Variants in CYRIB observed in about 807,000 individuals in gnomAD.
The protein encoded by CYRIB is CYFIP related Rac1 interactor B.
CYRIB carries 8 observed loss-of-function variants against 44.2 expected under a neutral mutation model. The ratio of observed to expected loss-of-function variants is 0.18; its 90% CI spans 0.11 to 0.33. CYRIB has a LOEUF of 0.33. CYRIB is among the 10% of genes least tolerant of loss of function. The pLI, the probability that CYRIB is intolerant of heterozygous loss-of-function variation, is 1.00. For missense variants in CYRIB, 185 were observed against 382.8 expected, an observed-to-expected ratio of 0.48 and a Z score of 4.31; for synonymous variants, 131 against 127.2, an observed-to-expected ratio of 1.03 and a Z score of -0.20.
At chr8:129,922,187 C>T (rs1424834199) in intron 1 of CYRIB, among the ~76,000 whole-genome samples, 1 of 152,166 alleles carries the variant, frequency 6.6e-6, no homozygotes, top group Non-Finnish European at 1.5e-5. Flanking sequence ...CTCTCTCCAT[C>T]AATTCTGTAA....
intron 1 of CYRIB, among the ~76,000 whole-genome samples, chr8:130,011,668 A>AAAAG (rs749451154): frequency 6.6e-6 from 1 of 151,194 alleles, no homozygotes; most frequent in Non-Finnish European, 1.5e-5. Context: ...ATACAAAAAA[A>AAAAG]AAAGAAAGAA....
At chr8:129,902,858 CTT>C (rs2073043911) in intron 2 of CYRIB, 1 of 152,094 alleles carries the variant, frequency 6.6e-6, no homozygotes, top group East Asian at 1.9e-4. Context: ...GGTAACGATT[CTT>C]TGTTTCTAAA....
chr8:129,946,358 T>C (rs2094141802), intron 2 of CYRIB, among the ~76,000 whole-genome samples: 1 of 152,248 alleles, frequency 6.6e-6, no homozygotes, highest in Non-Finnish European at 1.5e-5. Flanking sequence ...CAGGGAGTTC[T>C]ATCAACTGTT....
chr8:129,964,418 G>T (rs2095392830), intron 2 of CYRIB, among the ~76,000 whole-genome samples: 1 of 152,170 alleles, frequency 6.6e-6, no homozygotes, highest in South Asian at 2.1e-4. Context: ...AGGTGCCAGG[G>T]ACTAGTGTCA....
intron 2 of CYRIB, among the ~76,000 whole-genome samples, chr8:129,950,669 A>C (rs758620703): frequency 2.0e-5 from 3 of 152,166 alleles, no homozygotes; most frequent in African/African-American, 4.8e-5. Flanking sequence ...TTAAGAGCTC[A>C]GTAAATATTA....
At chr8:129,887,258 T>C (rs2063155101) in intron 2 of CYRIB, among the ~76,000 whole-genome samples, 1 of 152,178 alleles carries the variant, frequency 6.6e-6, no homozygotes, top group African/African-American at 2.4e-5. Flanking sequence ...AGATTATGTC[T>C]CAAGCTGCTG....
intron 1 of CYRIB, among the ~76,000 whole-genome samples, chr8:129,987,491 C>A (rs774818312): frequency 6.6e-6 from 1 of 151,860 alleles, no homozygotes; most frequent in Non-Finnish European, 1.5e-5. Flanking sequence ...ATCCCTCTCT[C>A]ATTGTGGGCC....
chr8:129,962,007 T>C (rs2095281143), intron 2 of CYRIB, among the ~76,000 whole-genome samples: 1 of 152,182 alleles, frequency 6.6e-6, no homozygotes, highest in South Asian at 2.1e-4. Flanking sequence ...CTCAGCACTT[T>C]GGGAGGCCGA....
At chr8:129,965,623 T>C (rs199544543) in intron 2 of CYRIB, among the ~76,000 whole-genome samples, 39 of 151,890 alleles carry the variant, frequency 2.6e-4, no homozygotes, top group East Asian at 1.6e-3. Flanking sequence ...GGTGAAACCC[T>C]GTCTCTACTA....
chr8:129,851,464 C>G (rs1587137839), intron 8 of CYRIB: 1 of 153,376 alleles, frequency 6.5e-6, no homozygotes, highest in East Asian at 1.9e-4. Flanking sequence ...GGAGGGAAAG[C>G]CAATGAGACT....
intron 4 of CYRIB, among the ~76,000 whole-genome samples, chr8:129,869,475 A>C (rs1158091406): frequency 2.0e-5 from 3 of 152,156 alleles, no homozygotes; most frequent in African/African-American, 7.2e-5. Flanking sequence ...ACAAGCTTTA[A>C]AGAAGTTTAA....
intron 10 of CYRIB, among the ~76,000 whole-genome samples, chr8:129,849,029 G>T (rs1265297301): frequency 6.6e-6 from 1 of 152,102 alleles, no homozygotes; most frequent in Non-Finnish European, 1.5e-5. Context: ...GTACTCACTA[G>T]ACAATATAGT....
intron 2 of CYRIB, among the ~76,000 whole-genome samples, chr8:129,900,778 C>G (rs1053199593): frequency 6.6e-6 from 1 of 152,118 alleles, no homozygotes; most frequent in Admixed American, 6.5e-5. Flanking sequence ...CTCCCAGGCT[C>G]AAGCGGTTCT....
chr8:129,978,779 A>T (rs548811898), intron 1 of CYRIB, among the ~76,000 whole-genome samples: 4 of 152,220 alleles, frequency 2.6e-5, no homozygotes, highest in Non-Finnish European at 4.4e-5. Flanking sequence ...AGTGCTAACC[A>T]GCTAAGTGCG....
chr8:129,850,966 T>C lies in CYRIB; in HGVS notation c.634-52A>G. ...AAGTAAAAGTAACAAACGTTATTAC[T>C]TAAGCACAATTTAAAATTTAGCGTA... is the stretch of plus-strand genomic sequence containing the variant. On this transcript the variant is annotated intron_variant, in intron 8 of 11. Transcript: ENST00000519824. The C allele has an allele frequency of 2.6e-6, 3 of 1,145,972 alleles. No homozygotes were observed. In the South Asian group the frequency reaches 3.9e-5, roughly 15 times the overall value. The allele number at this position is 1,145,972 out of a possible 1,614,324, so 71.0% of individuals were successfully genotyped here.
chr8:129,879,721 T>C (rs1271902216), intron 2 of CYRIB: 6 of 388,876 alleles, frequency 1.5e-5, no homozygotes, highest in African/African-American at 1.3e-4. Context: ...CTCAAAATTC[T>C]CCCAAGACAA....
chr8:129,953,114 G>T (rs1655402424), intron 2 of CYRIB, among the ~76,000 whole-genome samples: 2 of 152,300 alleles, frequency 1.3e-5, no homozygotes, highest in African/African-American at 4.8e-5. Context: ...GACATAGAGT[G>T]TAGGAAACAG....
intron 1 of CYRIB, among the ~76,000 whole-genome samples, chr8:130,002,873 G>C (rs2096939158): frequency 6.6e-6 from 1 of 152,228 alleles, no homozygotes; most frequent in South Asian, 2.1e-4. Context: ...CAAGCGAGGA[G>C]GGTGGCTTGA....
In CYRIB at chr8:130,006,875, T is replaced by C. The variant is rs1372489422; in HGVS notation, c.-296+9495A>G. ...TGCACCTTATTTGCTCAAGTCTACA[T>C]GGACCAGCATCCAAACATTGAAATT... On this transcript the variant is annotated intron_variant, in intron 1 of 14. Coordinates refer to the CYRIB transcript ENST00000401979. 2.0e-5 allele frequency among the ~76,000 whole-genome samples: 3 copies of C among 151,402 alleles called. No individual in the cohort carries two copies. The Admixed American group carries it at 2.0e-4, about 10-fold the overall frequency.
Sources: allele counts gnomAD v4.1 joint callset (sites outside exome capture counted in the v4.1 genomes callset), GRCh38; gene constraint gnomAD v4.1.1; transcripts MANE v1.5; gene names NCBI Gene and HGNC (gene_info 2026-07-23, HGNC 2026-07-21).